Variants in ITFG2 observed in about 807,000 individuals in gnomAD.
The protein encoded by ITFG2 is KICSTOR complex protein ITFG2.
A neutral mutation model predicts 54.4 loss-of-function variants in ITFG2; 36 were observed. That is an observed-to-expected ratio of 0.66 (90% confidence interval 0.51 to 0.87). The LOEUF (loss-of-function observed/expected upper bound fraction) is 0.87, where lower values mean the gene tolerates loss of function less well. Ranked by LOEUF, ITFG2 falls within the 40% of genes least tolerant of loss-of-function variation. The probability of loss-of-function intolerance (pLI) is 0.00; values close to 1 mark genes in which losing one functional copy is unlikely to be tolerated. For synonymous variants in ITFG2, 211 were observed against 225.4 expected (o/e 0.94, Z 0.57); for missense variants, 524 against 576.7 (o/e 0.91, Z 0.94).
downstream of ITFG2, among the ~76,000 whole-genome samples, chr12:2,831,371 G>T (rs1235435773): frequency 2.0e-5 from 3 of 151,922 alleles, no homozygotes; most frequent in East Asian, 1.9e-4. Flanking sequence ...ATCACTTGAG[G>T]TCAGGAGTTC....
At chr12:2,828,332 C>A (rs764876148), downstream of ITFG2, 1 of 1,613,930 alleles carries the variant, frequency 6.2e-7, no homozygotes, top group South Asian at 1.1e-5. Flanking sequence ...ACATTCTTAC[C>A]CCAGGCGGCT....
downstream of ITFG2, chr12:2,828,118 T>C: frequency 1.4e-6 from 2 of 1,427,172 alleles, no homozygotes; most frequent in Non-Finnish European, 1.9e-6. Context: ...TCAGCAGGTG[T>C]CCCTCTCTAC....
Position 2,824,242 on chromosome 12 carries a change from A to T in ITFG2, c.*49A>T. The T allele has an allele frequency of 6.4e-7, 1 of 1,552,332 alleles. No individual in the cohort carries two copies. The highest frequency in any genetic ancestry group is 1.1e-5 in the South Asian group (1 of 89,812). On this transcript the variant is annotated 3_prime_UTR_variant, in exon 12 of 12. Transcript: ENST00000228799. ...AAGGATTCTTCTGAACCCCCACCCTACCCCCTAAAGGTATCTGTGGTATTG... is the reference window on the plus strand; with the variant it reads ...AAGGATTCTTCTGAACCCCCACCCTTCCCCCTAAAGGTATCTGTGGTATTG...
In ITFG2 at chr12:2,840,131, A is replaced by G. The variant is rs369929338; in HGVS notation, n.147-711A>G. 3.3e-5 allele frequency among the ~76,000 whole-genome samples: 5 copies of G among 151,530 alleles called. No homozygotes were observed. The East Asian group carries it at 7.7e-4, about 23-fold the overall frequency. On this transcript the variant is annotated intron_variant and non_coding_transcript_variant, in intron 1 of 3. Coordinates refer to the ITFG2 transcript ENST00000537710. ...AAAAAAAAAAAAAAGGGCAAGATCTACCAAGTTCATGAGTAGGAAGGTTCA... is the reference window on the plus strand; with the variant it reads ...AAAAAAAAAAAAAAGGGCAAGATCTGCCAAGTTCATGAGTAGGAAGGTTCA...
At chr12:2,813,763 C>T (rs979232510) in intron 1 of ITFG2, among the ~76,000 whole-genome samples, 2 of 152,128 alleles carry the variant, frequency 1.3e-5, no homozygotes, top group Non-Finnish European at 2.9e-5. Flanking sequence ...TACTTATTTC[C>T]CACCGCCCCC....
At chr12:2,827,390 G>T, downstream of ITFG2, 1 of 1,528,028 alleles carries the variant, frequency 6.5e-7, no homozygotes. The surrounding 1 kb of genome is among the most constrained non-coding windows in gnomAD (Gnocchi z 4.0). Flanking sequence ...ACTTCCCACA[G>T]CTTCCACCTG....
chr12:2,827,870 AC>A, downstream of ITFG2: 1 of 1,611,954 alleles, frequency 6.2e-7, no homozygotes, highest in Non-Finnish European at 8.5e-7. This position sits in a 1 kb window ranked among gnomAD's most constrained non-coding sequence, Gnocchi z 4.0. Flanking sequence ...CCTTTGCCCC[AC>A]CCCAAAGAGA....
intron 2 of ITFG2, among the ~76,000 whole-genome samples, chr12:2,850,003 A>G (rs1201629978): frequency 6.6e-6 from 1 of 152,108 alleles, no homozygotes; most frequent in Non-Finnish European, 1.5e-5. Context: ...GACTCAGCGC[A>G]CTTTGCCCCT....
At chr12:2,813,203 A>G (rs997004248) in intron 1 of ITFG2, among the ~76,000 whole-genome samples, 4 of 152,248 alleles carry the variant, frequency 2.6e-5, no homozygotes, top group South Asian at 2.1e-4. Flanking sequence ...CGCCCGACTA[A>G]TTTTTGTGTT....
chr12:2,818,882 G>A (rs1022216926), intron 4 of ITFG2, among the ~76,000 whole-genome samples: 1 of 151,988 alleles, frequency 6.6e-6, no homozygotes, highest in Non-Finnish European at 1.5e-5. Context: ...GCCAGGCATG[G>A]TGGCAGGCAC....
chr12:2,829,014 A>T (rs11062371), downstream of ITFG2, among the ~76,000 whole-genome samples: 10,774 of 152,194 alleles, frequency 0.071, 497 homozygotes, highest in Admixed American at 0.12. Flanking sequence ...AGCCTAGGCA[A>T]CATAGCAAGA....
chr12:2,855,144 G>A (rs962015485), intron 2 of ITFG2: 46 of 1,529,654 alleles, frequency 3.0e-5, no homozygotes, highest in East Asian at 7.4e-5. Context: ...CATTGGAGTC[G>A]GTCAGCCAGC....
intron 2 of ITFG2, chr12:2,857,984 C>CT (rs2098094181): frequency 6.6e-6 from 1 of 152,660 alleles, no homozygotes; most frequent in Admixed American, 6.5e-5. Flanking sequence ...ATACAAAAGA[C>CT]TTTTTTAACC....
chr12:2,855,500 A>T, intron 2 of ITFG2: 1 of 1,338,026 alleles, frequency 7.5e-7, no homozygotes, highest in East Asian at 2.6e-5. Flanking sequence ...GGGGTGCAGA[A>T]AGGTGGGTGA....
At chr12:2,817,569 G>T in intron 2 of ITFG2, 1 of 522,842 alleles carries the variant, frequency 1.9e-6, no homozygotes, top group East Asian at 3.0e-5. Flanking sequence ...CTTTATGGAA[G>T]TTGCCTAAGG....
Position 2,812,859 on chromosome 12 carries a change from A to G in ITFG2, c.96+3A>G, listed in dbSNP as rs768418463. 1 of 1,607,438 alleles carries G rather than the reference A, an allele frequency of 6.2e-7. No individual in the cohort carries two copies. Among genetic ancestry groups the G allele is most frequent in the Non-Finnish European group, 8.5e-7 (1 of 1,175,498 alleles). ...TCGGAGACGTTGATAACGATACGGT[A>G]GGTGCATGCGCACCGCAAGAGACAG... On this transcript the variant is annotated splice_donor_region_variant and intron_variant, in intron 1 of 11. Transcript: ENST00000228799.
chr12:2,849,044 A>C, intron 2 of ITFG2: 1 of 628,502 alleles, frequency 1.6e-6, no homozygotes, highest in Non-Finnish European at 2.7e-6. Flanking sequence ...AACAATTTAG[A>C]ATTTCAGTTG....
rs1327534507 is a variant in ITFG2, at chr12:2,859,233, G to C, written n.621-301G>C. On this transcript the variant is annotated intron_variant and non_coding_transcript_variant, in intron 3 of 3. Transcript: ENST00000537710. ...CTCTGCGGCCCAGCGGGAAGTACTG[G>C]GCCCCTCTGAGAAGAGCAGCTCCGG... The C allele has an allele frequency of 1.9e-6, 3 of 1,613,468 alleles. No individual in the cohort carries two copies. In the African/African-American group the frequency reaches 4.0e-5, roughly 22 times the overall value.
chr12:2,822,906 G>A lies in ITFG2; in HGVS notation c.1061G>A (p.Cys354Tyr). The A allele has an allele frequency of 1.9e-6, 3 of 1,613,650 alleles. No individual in the cohort carries two copies. The highest frequency in any genetic ancestry group is 2.5e-6 in the Non-Finnish European group (3 of 1,179,604). ...GTGGATGAAAATATCCGTGCCTTCT[G>A]TGCAGGTGACCCCCGCCCCCATGGC... ...FQVDENIRAFCAGLYACKEGR... is the reference protein window; with the variant it reads ...FQVDENIRAFYAGLYACKEGR... Residue 354 changes from cysteine to tyrosine, a missense_variant, in exon 10 of 12, where the codon TGT becomes TAT. Cys to Tyr is a radical substitution (Grantham distance 194). Coordinates refer to ENST00000228799, the MANE Select transcript of ITFG2 (RefSeq NM_018463.4).
Sources: allele counts gnomAD v4.1 joint callset (sites outside exome capture counted in the v4.1 genomes callset), GRCh38; gene constraint gnomAD v4.1.1; non-coding constraint Gnocchi (gnomAD v3.1); transcripts MANE v1.5; gene names NCBI Gene and HGNC (gene_info 2026-07-23, HGNC 2026-07-21).